Variants in ELMO1 observed in about 807,000 individuals in gnomAD.
ELMO1 encodes the protein engulfment and cell motility 1.
In ELMO1, 26 loss-of-function variants were observed where a neutral mutation model predicts 98.9. That is an observed-to-expected ratio of 0.26 (90% CI 0.19 to 0.36). The LOEUF (loss-of-function observed/expected upper bound fraction) is 0.36, where lower values mean the gene tolerates loss of function less well. Ranked by LOEUF, ELMO1 falls within the 10% of genes least tolerant of loss-of-function variation. The pLI is 1.00. For synonymous variants in ELMO1, 346 were observed against 346.0 expected (o/e 1.00, Z 0.00); for missense variants, 627 against 935.2 (o/e 0.67, Z 4.30).
intron 1 of ELMO1, among the ~76,000 whole-genome samples, chr7:37,348,478 T>A (rs1219231530): frequency 1.3e-5 from 2 of 152,076 alleles, no homozygotes; most frequent in Admixed American, 1.3e-4. Flanking sequence ...TGGGAATTGT[T>A]CCATGTTTAA....
intron 1 of ELMO1, among the ~76,000 whole-genome samples, chr7:37,397,804 GGA>G (rs1803362500): frequency 6.6e-6 from 1 of 152,196 alleles, no homozygotes. Context: ...TATACACCAT[GGA>G]ATACTATGCA....
At chr7:37,012,468 GTGA>G (rs1163060619) in intron 16 of ELMO1, among the ~76,000 whole-genome samples, 1 of 152,200 alleles carries the variant, frequency 6.6e-6, no homozygotes, top group Non-Finnish European at 1.5e-5. Context: ...GTGGTCATGG[GTGA>G]TGGGCCTGAC....
intron 15 of ELMO1, among the ~76,000 whole-genome samples, chr7:37,049,135 T>C (rs1280894846): frequency 2.3e-4 from 35 of 152,202 alleles, no homozygotes. Flanking sequence ...ACCCTGTTAA[T>C]GTTTGTCTTG....
At chr7:37,008,841 T>G (rs1793339289) in intron 16 of ELMO1, among the ~76,000 whole-genome samples, 1 of 152,202 alleles carries the variant, frequency 6.6e-6, no homozygotes. Context: ...ATGATGGCGA[T>G]TCTATTAACA....
rs1394412547 is a variant in ELMO1 at position 37,172,937 on chromosome 7, G to A, written c.1086+38449C>T. Reference sequence around the variant, plus strand: ...CATCTCAGCAAGCTCCTAGCAGATTGACTTTTTACTGTGCAAGGAGTAGAA... The same window carrying A: ...CATCTCAGCAAGCTCCTAGCAGATTAACTTTTTACTGTGCAAGGAGTAGAA... On this transcript the variant is annotated intron_variant, in intron 13 of 21. Coordinates refer to ENST00000310758, the MANE Select transcript of ELMO1 (RefSeq NM_014800.11). 3.3e-5 allele frequency among the ~76,000 whole-genome samples: 5 copies of A among 152,264 alleles called. No individual in the cohort carries two copies. The East Asian group carries it at 9.6e-4, about 29-fold the overall frequency.
At chr7:37,146,004 A>C (rs546956778) in intron 13 of ELMO1, among the ~76,000 whole-genome samples, 1 of 152,148 alleles carries the variant, frequency 6.6e-6, no homozygotes. Context: ...TCCTGAGAAC[A>C]GCAGTTCTCT....
At chr7:37,238,705 T>C (rs1794603147) in intron 7 of ELMO1, among the ~76,000 whole-genome samples, 1 of 152,222 alleles carries the variant, frequency 6.6e-6, no homozygotes, top group South Asian at 2.1e-4. Context: ...TTTATCAAGA[T>C]GAGGAAGTTC....
chr7:37,406,758 T>A (rs1583701220), intron 1 of ELMO1, among the ~76,000 whole-genome samples: 1 of 152,152 alleles, frequency 6.6e-6, no homozygotes, highest in East Asian at 1.9e-4. Context: ...ATATTCTTAG[T>A]CTTGTTTTTT....
chr7:37,011,821 G>A (rs928657361), intron 16 of ELMO1, among the ~76,000 whole-genome samples: 1 of 152,076 alleles, frequency 6.6e-6, no homozygotes, highest in African/African-American at 2.4e-5. Context: ...TTTTTGGTTT[G>A]ATTGAACAAA....
intron 16 of ELMO1, among the ~76,000 whole-genome samples, chr7:36,916,570 C>T (rs1784705929): frequency 6.6e-6 from 1 of 152,198 alleles, no homozygotes; most frequent in Admixed American, 6.5e-5. Context: ...CTTCCAAGCT[C>T]CCCCATTCCT....
chr7:37,025,852 A>G (rs935042187), intron 15 of ELMO1, among the ~76,000 whole-genome samples: 4 of 150,734 alleles, frequency 2.7e-5, no homozygotes, highest in Non-Finnish European at 5.9e-5. Flanking sequence ...TATACATGAG[A>G]TTTATAAGGA....
At position 37,155,487 on chromosome 7, in the gene ELMO1, C is replaced by CAAAAAA. The variant is rs781745325; in HGVS notation, c.1087-22259_1087-22254dup. On this transcript the variant is annotated intron_variant, in intron 13 of 21. Transcript: ENST00000310758. ...GATGGAGGAAGAAGCAAACGGAAAGCAAAAAAAAAAAAAAAAAAAAAGCAG... is the reference window on the plus strand; with the variant it reads ...GATGGAGGAAGAAGCAAACGGAAAGCAAAAAAAAAAAAAAAAAAAAAAAAAAAGCAG... 9.0e-3 allele frequency among the ~76,000 whole-genome samples: 445 copies of CAAAAAA among 49,546 alleles called. 8 individuals are homozygous for CAAAAAA. The highest frequency in any genetic ancestry group is 0.013 in the Non-Finnish European group (325 of 24,306). The allele number at this position is 49,546 out of a possible 152,430, so 32.5% of individuals were successfully genotyped here.
At chr7:37,121,678 T>A (rs553652801) in intron 14 of ELMO1, among the ~76,000 whole-genome samples, 1 of 152,196 alleles carries the variant, frequency 6.6e-6, no homozygotes, top group South Asian at 2.1e-4. Flanking sequence ...ACGGGGAGAA[T>A]GGAACCAAGT....
chr7:37,137,964 C>A (rs1435789346), intron 13 of ELMO1, among the ~76,000 whole-genome samples: 1 of 152,118 alleles, frequency 6.6e-6, no homozygotes, highest in Non-Finnish European at 1.5e-5. Context: ...AATTAAATAA[C>A]CTGCTCCTGA....
intron 1 of ELMO1, among the ~76,000 whole-genome samples, chr7:37,381,306 G>A (rs1485785317): frequency 6.6e-6 from 1 of 152,170 alleles, no homozygotes; most frequent in African/African-American, 2.4e-5. Flanking sequence ...ACTAAGAAAA[G>A]AACCAACCTT....
chr7:36,870,363 G>C lies in ELMO1; in HGVS notation c.1905+30C>G. 1 of 1,610,786 alleles carries C rather than the reference G, an allele frequency of 6.2e-7. No homozygotes were observed. Among genetic ancestry groups the C allele is most frequent in the South Asian group, 1.1e-5 (1 of 90,988 alleles). ...AGTTGCCGACCGCACTGGGCAAATA[G>C]AGCTATTTGCAATAATTTGGAAATC... On this transcript the variant is annotated intron_variant, in intron 20 of 21. Coordinates refer to ENST00000310758, the MANE Select transcript of ELMO1 (RefSeq NM_014800.11). The surrounding 1 kb of genome is among the most constrained non-coding windows in gnomAD (Gnocchi z 4.4).
intron 16 of ELMO1, among the ~76,000 whole-genome samples, chr7:36,934,492 A>G (rs1280928642): frequency 1.3e-5 from 1 of 75,940 alleles, no homozygotes; most frequent in African/African-American, 3.6e-5. Flanking sequence ...ACCCTCAGGC[A>G]TGGCTAGGTA....
intron 1 of ELMO1, among the ~76,000 whole-genome samples, chr7:37,446,241 T>C (rs73691110): frequency 0.019 from 2,883 of 152,286 alleles, 33 homozygotes; most frequent in Middle Eastern, 0.041. Context: ...TAAGAATCCA[T>C]CCAGGTTCTG....
At chr7:37,210,901 C>T (rs1374184319) in intron 13 of ELMO1, among the ~76,000 whole-genome samples, 3 of 152,018 alleles carry the variant, frequency 2.0e-5, no homozygotes, top group Non-Finnish European at 4.4e-5. Context: ...TAGGAGACAA[C>T]CTATTAGCAT....
Sources: allele counts gnomAD v4.1 joint callset (sites outside exome capture counted in the v4.1 genomes callset), GRCh38; gene constraint gnomAD v4.1.1; non-coding constraint Gnocchi (gnomAD v3.1); transcripts MANE v1.5; gene names NCBI Gene and HGNC (gene_info 2026-07-23, HGNC 2026-07-21).